SMARCA1: variants seen among roughly 807,000 people sequenced by gnomAD.
The protein encoded by SMARCA1 is SWI/SNF-related matrix-associated actin-dependent regulator of chromatin subfamily A member 1.
A neutral mutation model predicts 93.6 loss-of-function variants in SMARCA1; 17 were observed. That is an observed-to-expected ratio of 0.18 (90% confidence interval 0.12 to 0.27). SMARCA1 has a LOEUF of 0.27. SMARCA1 is among the 10% of genes least tolerant of loss of function. The pLI is 1.00. For synonymous variants in SMARCA1, 271 were observed against 271.4 expected (o/e 1.00, Z 0.01); for missense variants, 630 against 819.0 (o/e 0.77, Z 2.82).
intron 12 of SMARCA1, among the ~76,000 whole-genome samples, chrX:129,495,373 G>A (rs1934280966): frequency 1.8e-5 from 2 of 111,701 alleles, no homozygotes; most frequent in Non-Finnish European, 3.8e-5. Flanking sequence ...ATATGCCACA[G>A]GAACTGGGGT....
At chrX:129,501,928 G>A (rs1363502251) in intron 9 of SMARCA1, among the ~76,000 whole-genome samples, 1 of 111,798 alleles carries the variant, frequency 8.9e-6, no homozygotes, top group African/African-American at 3.3e-5. Flanking sequence ...TTTTTAAATG[G>A]GGATAATGAT....
In SMARCA1 at chrX:129,518,366, T is replaced by C. The variant is rs1303017517; in HGVS notation, c.256A>G (p.Lys86Glu). 8.6e-7 allele frequency: 1 copy of C among 1,164,958 alleles called. No homozygotes were observed. The highest frequency in any genetic ancestry group is 2.3e-5 in the Admixed American group (1 of 43,493). Residue 86 changes from lysine to glutamate, a missense_variant, in exon 2 of 25, where the codon AAA (lysine) becomes GAA (glutamate). By Grantham distance (56) the Lys-to-Glu change is moderately conservative. Around this residue, in one of 4 missense-constraint regions of SMARCA1, gnomAD observed 103 missense variants for 82.0 expected, o/e 1.26. Transcript: ENST00000371121. Reference sequence around the variant, plus strand: ...CTATCCAAGACTACATTTACCATTTTCTCTTCATATTCTGGGTCCATTTCC... The same window carrying C: ...CTATCCAAGACTACATTTACCATTTCCTCTTCATATTCTGGGTCCATTTCC... ...EKEMDPEYEE[K>E]MKADRAKRFE...
chrX:129,465,598 T>C lies in SMARCA1; in HGVS notation c.2952A>G (p.Val984=), dbSNP rs1442857752. Residue 984 remains valine, a synonymous_variant, in exon 23 of 25, where the codon GTA becomes GTG. Coordinates refer to ENST00000371121, the MANE Select transcript of SMARCA1 (RefSeq NM_001282874.2). ...GTACACACTGTCTTAATTCTTCATATACATTTTCTCTATCAAAGCCCATTT... is the reference window on the plus strand; with the variant it reads ...GTACACACTGTCTTAATTCTTCATACACATTTTCTCTATCAAAGCCCATTT... The part of the protein sequence containing the change: ...LHKMGFDREN[V]YEELRQCVRN... 3 of 1,204,820 alleles carry C rather than the reference T, an allele frequency of 2.5e-6. No individual in the cohort carries two copies. The highest frequency in any genetic ancestry group is 5.9e-5 in the East Asian group (2 of 33,803).
At chrX:129,491,303 G>C (rs1934120581) in intron 14 of SMARCA1, among the ~76,000 whole-genome samples, 1 of 111,165 alleles carries the variant, frequency 9.0e-6, no homozygotes, top group South Asian at 3.8e-4. Context: ...CTGAAAATGT[G>C]AGTCACATTG....
intron 5 of SMARCA1, among the ~76,000 whole-genome samples, chrX:129,512,812 T>C (rs1234144689): frequency 8.9e-6 from 1 of 111,800 alleles, no homozygotes; most frequent in Non-Finnish European, 1.9e-5. Context: ...ATTCTACTTC[T>C]AGGAATCCTA....
Position 129,471,342 on chromosome X carries a change from T to G in SMARCA1, c.2443-16A>C. ...TCCTTGGAACCTATAAATCAAGAGA[T>G]AAACTAAGAGTAAACTGATGAGAAA... On this transcript the variant is annotated splice_polypyrimidine_tract_variant and intron_variant, in intron 19 of 24. Transcript: ENST00000371121. 3 of 1,156,151 alleles carry G rather than the reference T, an allele frequency of 2.6e-6. No homozygotes were observed. Among genetic ancestry groups the G allele is most frequent in the Non-Finnish European group, 3.5e-6 (3 of 854,292 alleles).
chrX:129,465,617 C>T lies in SMARCA1; in HGVS notation c.2933G>A (p.Gly978Asp). 1 of 1,199,614 alleles carries T rather than the reference C, an allele frequency of 8.3e-7. No homozygotes were observed. The highest frequency in any genetic ancestry group is 1.1e-6 in the Non-Finnish European group (1 of 884,773). Residue 978 changes from glycine to aspartate, a missense_variant, in exon 23 of 25, where the codon GGC (glycine) becomes GAC (aspartate). By Grantham distance (94) the Gly-to-Asp change is moderately conservative. Around this residue, in one of 4 missense-constraint regions of SMARCA1, gnomAD observed 93 missense variants for 160.8 expected, o/e 0.58. Coordinates refer to ENST00000371121, the MANE Select transcript of SMARCA1 (RefSeq NM_001282874.2). ...TTCATATACATTTTCTCTATCAAAGCCCATTTTGTGTAACATACAAATCAA... is the reference window on the plus strand; with the variant it reads ...TTCATATACATTTTCTCTATCAAAGTCCATTTTGTGTAACATACAAATCAA... Reference protein sequence around the residue: ...RFLICMLHKMGFDRENVYEEL... With the variant: ...RFLICMLHKMDFDRENVYEEL...
At position 129,492,105 on chromosome X, in the gene SMARCA1, AT is replaced by A; in HGVS notation, c.1663-13del. 9.4e-7 allele frequency: 1 copy of A among 1,064,614 alleles called. No individual in the cohort carries two copies. The highest frequency in any genetic ancestry group is 1.3e-6 in the Non-Finnish European group (1 of 770,131). The allele number at this position is 1,064,614 out of a possible 1,213,427, so 87.7% of individuals were successfully genotyped here. ...GCCTCTATTGCTTCCTTTATTTTTT[AT>A]TGATAAAGGGATAGAAGAAAAAGAG... On this transcript the variant is annotated splice_polypyrimidine_tract_variant and intron_variant, in intron 13 of 24. Coordinates refer to ENST00000371121, the MANE Select transcript of SMARCA1 (RefSeq NM_001282874.2).
intron 16 of SMARCA1, among the ~76,000 whole-genome samples, chrX:129,487,741 T>C (rs1405533597): frequency 8.9e-6 from 1 of 112,278 alleles, no homozygotes; most frequent in African/African-American, 3.2e-5. Flanking sequence ...AAGATAGAGA[T>C]GAAATCTCAA....
chrX:129,479,361 T>A (rs894613185), intron 19 of SMARCA1, among the ~76,000 whole-genome samples: 4 of 111,248 alleles, frequency 3.6e-5, no homozygotes, highest in African/African-American at 1.3e-4. Flanking sequence ...TTTTATTTTA[T>A]ATTTGAACCT....
At chrX:129,501,013 G>T (rs769012397) in intron 9 of SMARCA1, among the ~76,000 whole-genome samples, 85 of 112,476 alleles carry the variant, frequency 7.6e-4, no homozygotes, top group African/African-American at 2.7e-3. Flanking sequence ...AATCTATAGA[G>T]TACCTACCTA....
intron 23 of SMARCA1, among the ~76,000 whole-genome samples, chrX:129,454,758 T>C (rs1233244393): frequency 8.9e-6 from 1 of 111,808 alleles, no homozygotes; most frequent in Non-Finnish European, 1.9e-5. Context: ...TAACTCGTCA[T>C]TTACATTAGG....
At chrX:129,523,166 T>G (rs760959078) in intron 1 of SMARCA1, 31 bp downstream of exon 1, 2 of 1,203,959 alleles carry the variant, frequency 1.7e-6, no homozygotes, top group South Asian at 3.5e-5. Flanking sequence ...ACAGGATTTG[T>G]CCACCACACA....
In SMARCA1 at chrX:129,523,181, C is replaced by A. The variant is rs765248740; in HGVS notation, c.174+16G>T. ...ACAGGATTTGTCCACCACACACACA[C>A]CCCCTTCCTATTTACCTCCTTCTTC... On this transcript the variant is annotated intron_variant, in intron 1 of 24. Coordinates refer to ENST00000371121, the MANE Select transcript of SMARCA1 (RefSeq NM_001282874.2). 8.3e-7 allele frequency: 1 copy of A among 1,209,346 alleles called. No homozygotes were observed. The highest frequency in any genetic ancestry group is 1.8e-5 in the South Asian group (1 of 56,788).
chrX:129,523,256 C>T lies in SMARCA1; in HGVS notation c.115G>A (p.Ala39Thr), dbSNP rs753522260. 15 of 1,209,128 alleles carry T rather than the reference C, an allele frequency of 1.2e-5. No individual in the cohort carries two copies. Among genetic ancestry groups the T allele is most frequent in the Middle Eastern group, 4.6e-4 (2 of 4,371 alleles). The change falls in exon 1 of 25, where the codon GCG (alanine) becomes ACG (threonine). Residue 39 changes from alanine (A) to threonine (T), a missense_variant. By Grantham distance (58) the Ala-to-Thr change is moderately conservative. Transcript: ENST00000371121. ...PGPSTSQEEG[A>T]AAAATEATAA... The stretch of plus-strand genomic sequence containing the variant: ...GTGGCTTCGGTGGCCGCGGCGGCCG[C>T]TCCCTCCTCCTGAGAGGTGGACGGC...
At position 129,480,691 on chromosome X, in the gene SMARCA1, GA is replaced by G; in HGVS notation, c.2442+9del. ...TATATTATATTAATCTTAAAAAATG[GA>G]AAAAATACCTTATAGCCTATTGTCT... On this transcript the variant is annotated intron_variant, in intron 19 of 24. Coordinates refer to ENST00000371121, the MANE Select transcript of SMARCA1 (RefSeq NM_001282874.2). 1 of 891,157 alleles carries G rather than the reference GA, an allele frequency of 1.1e-6. No individual in the cohort carries two copies. Among genetic ancestry groups the G allele is most frequent in the Non-Finnish European group, 1.5e-6 (1 of 663,225 alleles). 73.4% of individuals were successfully genotyped at this position (891,157 alleles called of 1,213,427 possible).
At chrX:129,518,790 T>C (rs1602741860) in intron 1 of SMARCA1, 1 of 122,045 alleles carries the variant, frequency 8.2e-6, no homozygotes, top group African/African-American at 3.2e-5. Flanking sequence ...TTTTAAAATC[T>C]AGAAAAGGCT....
In SMARCA1 at chrX:129,497,007, ACACACACACACACACCCC is replaced by A. The variant is rs2059175126; in HGVS notation, c.1505-154_1505-137del. 6.8e-6 allele frequency: 3 copies of A among 441,347 alleles called. 1 individual carries two copies. Among genetic ancestry groups the A allele is most frequent in the Admixed American group, 8.1e-5 (2 of 24,771 alleles). 36.4% of individuals were successfully genotyped at this position (441,347 alleles called of 1,213,427 possible). ...AACGCACACACACACGTGCACACAC[ACACACACACACACACCCC>A]CACACACCTTCAAGAGATGCTATAT... On this transcript the variant is annotated intron_variant, in intron 11 of 24. Coordinates refer to ENST00000371121, the MANE Select transcript of SMARCA1 (RefSeq NM_001282874.2).
chrX:129,518,639 A>C (rs1935285824), intron 1 of SMARCA1, 192 bp from the exon 2 acceptor site: 1 of 267,985 alleles, frequency 3.7e-6, no homozygotes, highest in South Asian at 2.3e-4. Flanking sequence ...TGTACACCTG[A>C]GGTCCAATAA....
Sources: gnomAD v4.1 joint callset for allele counts (sites outside exome capture counted in the v4.1 genomes callset) on GRCh38, gnomAD v4.1.1 for gene constraint, gnomAD v4.1.1 regional missense constraint, MANE v1.5 for transcripts, NCBI Gene and HGNC (gene_info 2026-07-23, HGNC 2026-07-21) for gene names.